PRKCE: variants seen among roughly 807,000 people sequenced by gnomAD.
PRKCE encodes protein kinase C epsilon type.
A neutral mutation model predicts 85.4 loss-of-function variants in PRKCE; 16 were observed. The observed-to-expected ratio is 0.19, with a 90% CI of 0.13 to 0.28. The LOEUF (loss-of-function observed/expected upper bound fraction) is 0.28. Among genes scored for constraint, PRKCE ranks in the 10% least tolerant of loss-of-function variants. The pLI is 1.00. For synonymous variants in PRKCE, 388 were observed against 371.5 expected (o/e 1.04, Z -0.51); for missense variants, 573 against 975.2 (o/e 0.59, Z 5.49).
chr2:45,875,783 G>A (rs1694431657), intron 2 of PRKCE, among the ~76,000 whole-genome samples: 1 of 152,300 alleles, frequency 6.6e-6, no homozygotes, highest in East Asian at 1.9e-4. Context: ...AGCAGTGCTT[G>A]GGTGGTTGGA....
At chr2:45,814,948 G>C (rs1446938966) in intron 1 of PRKCE, among the ~76,000 whole-genome samples, 1 of 152,172 alleles carries the variant, frequency 6.6e-6, no homozygotes, top group Non-Finnish European at 1.5e-5. Context: ...CAAGGTGTTG[G>C]TTTGGGTGTT....
At chr2:45,859,080 AT>A (rs1420684639) in intron 2 of PRKCE, among the ~76,000 whole-genome samples, 4,120 of 146,474 alleles carry the variant, frequency 0.028, 90 homozygotes, top group Middle Eastern at 0.068. Context: ...AAATAAATAA[AT>A]AAATAAATAA....
At chr2:45,824,236 C>G in intron 1 of PRKCE, among the ~76,000 whole-genome samples, 1 of 152,252 alleles carries the variant, frequency 6.6e-6, no homozygotes, top group East Asian at 1.9e-4. Flanking sequence ...CATTAATCCT[C>G]TCCAATCATC....
chr2:45,715,326 GCTT>G (rs1679998176), intron 1 of PRKCE, among the ~76,000 whole-genome samples: 1 of 152,234 alleles, frequency 6.6e-6, no homozygotes, highest in Non-Finnish European at 1.5e-5. Flanking sequence ...GTGGGAGGAA[GCTT>G]CTTGTCTCCT....
chr2:45,958,808 ATATATATATTTTTTTTTTTTTTTTTTT>A (rs1701168442), intron 2 of PRKCE, among the ~76,000 whole-genome samples: 4 of 23,814 alleles, frequency 1.7e-4, no homozygotes, highest in African/African-American at 3.6e-4. Context: ...ATATATATAT[ATATATATATTTTTTTTTTTTTTTTTTT>A]TTTTTTTTTT....
At chr2:45,934,859 C>T (rs1265581731) in intron 2 of PRKCE, among the ~76,000 whole-genome samples, 4 of 142,156 alleles carry the variant, frequency 2.8e-5, no homozygotes, top group Non-Finnish European at 6.0e-5. Flanking sequence ...TCAAGACCAG[C>T]GTGGGCAACA....
At chr2:45,928,334 C>G (rs1698782985) in intron 2 of PRKCE, among the ~76,000 whole-genome samples, 1 of 152,266 alleles carries the variant, frequency 6.6e-6, no homozygotes, top group African/African-American at 2.4e-5. Context: ...GTGGTGCCAT[C>G]TCAACTCACT....
At chr2:45,692,047 A>C (rs529552714) in intron 1 of PRKCE, among the ~76,000 whole-genome samples, 1 of 152,288 alleles carries the variant, frequency 6.6e-6, no homozygotes, top group Non-Finnish European at 1.5e-5. Context: ...AAAAACCTTC[A>C]CTCATGGAAA....
At chr2:45,887,280 A>G (rs1422962196) in intron 2 of PRKCE, among the ~76,000 whole-genome samples, 2 of 152,188 alleles carry the variant, frequency 1.3e-5, no homozygotes, top group Non-Finnish European at 2.9e-5. Flanking sequence ...TAGATGGACA[A>G]TAGATAGCGA....
chr2:45,813,725 C>T (rs1357282359), intron 1 of PRKCE, among the ~76,000 whole-genome samples: 1 of 152,098 alleles, frequency 6.6e-6, no homozygotes, highest in Non-Finnish European at 1.5e-5. Context: ...ACAGACAGAC[C>T]GAGCAGGGTC....
At chr2:46,084,145 G>A (rs1558435279) in intron 10 of PRKCE, among the ~76,000 whole-genome samples, 1 of 152,202 alleles carries the variant, frequency 6.6e-6, no homozygotes, top group African/African-American at 2.4e-5. Flanking sequence ...GGGAGAAAAC[G>A]AGGTAGGCTT....
At chr2:46,117,480 A>G (rs1479691907) in intron 11 of PRKCE, among the ~76,000 whole-genome samples, 1 of 152,210 alleles carries the variant, frequency 6.6e-6, no homozygotes, top group Admixed American at 6.5e-5. Flanking sequence ...AATTAATTCT[A>G]CATGAGGTCC....
At chr2:46,108,566 C>T (rs995752743) in intron 11 of PRKCE, among the ~76,000 whole-genome samples, 1 of 152,122 alleles carries the variant, frequency 6.6e-6, no homozygotes, top group Non-Finnish European at 1.5e-5. Flanking sequence ...TTCATTGCTC[C>T]AGTGATGGCT....
chr2:46,161,140 T>C (rs930839564), intron 14 of PRKCE, among the ~76,000 whole-genome samples: 1 of 152,208 alleles, frequency 6.6e-6, no homozygotes, highest in Admixed American at 6.5e-5. Flanking sequence ...CTAAGCTCCC[T>C]GGGTTAACTG....
At chr2:45,679,185 G>A (rs1053153401) in intron 1 of PRKCE, among the ~76,000 whole-genome samples, 2 of 152,160 alleles carry the variant, frequency 1.3e-5, no homozygotes, top group Admixed American at 1.3e-4. Flanking sequence ...CAGAATGGCA[G>A]TGTGGCTGCA....
intron 12 of PRKCE, among the ~76,000 whole-genome samples, chr2:46,146,416 T>C (rs1676075651): frequency 6.6e-6 from 1 of 152,264 alleles, no homozygotes; most frequent in Non-Finnish European, 1.5e-5. Context: ...CTTGTCCCTA[T>C]TCTAAAGAAG....
chr2:45,985,295 C>T (rs569791696), intron 6 of PRKCE, among the ~76,000 whole-genome samples: 4 of 152,186 alleles, frequency 2.6e-5, no homozygotes, highest in East Asian at 1.9e-4. Context: ...TGTTTCCTGC[C>T]GTGCCACCCG....
chr2:45,885,001 A>T (rs55949682), intron 2 of PRKCE, among the ~76,000 whole-genome samples: 22,116 of 69,786 alleles, frequency 0.32, 4,049 homozygotes, highest in East Asian at 0.61. Context: ...ATATATATAT[A>T]TTTGTTGTTG....
At chr2:46,028,188 C>T (rs1203007024) in intron 10 of PRKCE, among the ~76,000 whole-genome samples, 1 of 152,210 alleles carries the variant, frequency 6.6e-6, no homozygotes, top group Middle Eastern at 3.4e-3. Context: ...GTGATCCGCC[C>T]GTCTCAGCCT....
Sources: gnomAD v4.1 joint callset for allele counts (sites outside exome capture counted in the v4.1 genomes callset) on GRCh38, gnomAD v4.1.1 for gene constraint, MANE v1.5 for transcripts, NCBI Gene and HGNC (gene_info 2026-07-23, HGNC 2026-07-21) for gene names.